SCML2: variants seen among roughly 807,000 people sequenced by gnomAD.
The protein encoded by SCML2 is Scm polycomb group protein like 2, also known as sex comb on midleg-like protein 2.
SCML2 carries 6 observed loss-of-function variants against 48.4 expected under a neutral mutation model. That is an observed-to-expected ratio of 0.12 (90% confidence interval 0.07 to 0.24). The LOEUF (loss-of-function observed/expected upper bound fraction) is 0.24. Ranked by LOEUF, SCML2 falls within the 10% of genes least tolerant of loss-of-function variation. The probability of loss-of-function intolerance (pLI) is 1.00; values close to 1 mark genes in which losing one functional copy is unlikely to be tolerated. For synonymous variants in SCML2, 181 were observed against 189.5 expected (o/e 0.95, Z 0.37); for missense variants, 377 against 528.2 (o/e 0.71, Z 2.81).
intron 7 of SCML2, among the ~76,000 whole-genome samples, chrX:18,303,233 G>A (rs150028409): frequency 3.7e-4 from 41 of 111,349 alleles, no homozygotes; most frequent in African/African-American, 1.2e-3. Flanking sequence ...ACTTAGTCTC[G>A]TGGCCATACC....
intron 1 of SCML2, among the ~76,000 whole-genome samples, chrX:18,352,602 G>A (rs1243439633): frequency 9.0e-6 from 1 of 111,576 alleles, no homozygotes; most frequent in Non-Finnish European, 1.9e-5. Flanking sequence ...AACTATGGGT[G>A]GAAAGCCTTA....
At chrX:18,338,377 C>A (rs1461893188) in intron 1 of SCML2, among the ~76,000 whole-genome samples, 1 of 102,583 alleles carries the variant, frequency 9.7e-6, no homozygotes, top group Non-Finnish European at 2.0e-5. Flanking sequence ...CTGGGAGGCA[C>A]AGGCTTAAGT....
At chrX:18,331,388 C>A (rs1929658305) in intron 2 of SCML2, among the ~76,000 whole-genome samples, 1 of 102,076 alleles carries the variant, frequency 9.8e-6, no homozygotes, top group Non-Finnish European at 2.0e-5. Context: ...CAAAACATAA[C>A]AGAGAAGCTA....
intron 1 of SCML2, among the ~76,000 whole-genome samples, chrX:18,344,643 T>C (rs918407937): frequency 1.8e-5 from 2 of 111,607 alleles, no homozygotes; most frequent in African/African-American, 6.5e-5. Context: ...GAAACGCCTT[T>C]CACCTGGCTC....
At chrX:18,296,185 G>C (rs751414605) in intron 7 of SCML2, among the ~76,000 whole-genome samples, 146 of 110,919 alleles carry the variant, frequency 1.3e-3, no homozygotes, top group African/African-American at 4.3e-3. Context: ...AGATACAAGA[G>C]AACACAGATA....
chrX:18,272,887 A>T (rs1927506600), intron 7 of SCML2, among the ~76,000 whole-genome samples: 1 of 112,076 alleles, frequency 8.9e-6, no homozygotes, highest in Non-Finnish European at 1.9e-5. Flanking sequence ...TTTCCTTTTA[A>T]GACTAAGCTT....
At chrX:18,266,492 G>A (rs1927262215) in intron 7 of SCML2, among the ~76,000 whole-genome samples, 1 of 111,152 alleles carries the variant, frequency 9.0e-6, no homozygotes, top group Non-Finnish European at 1.9e-5. Flanking sequence ...TTACCTGCCA[G>A]GTTACTTTTG....
intron 1 of SCML2, among the ~76,000 whole-genome samples, chrX:18,353,844 A>C (rs1431720344): frequency 8.8e-6 from 1 of 113,194 alleles, no homozygotes; most frequent in Admixed American, 9.3e-5. Flanking sequence ...ATGGGGCGCA[A>C]GCACGATACA....
At chrX:18,320,824 A>G (rs1486743069) in intron 5 of SCML2, among the ~76,000 whole-genome samples, 1 of 111,768 alleles carries the variant, frequency 8.9e-6, no homozygotes, top group African/African-American at 3.3e-5. Flanking sequence ...TTCACTTCAG[A>G]AAGACAGTTT....
rs549888088 is a variant in SCML2 at position 18,309,906 on chromosome X, G to A, written c.487-4691C>T. Among the ~76,000 whole-genome samples, 248 of 110,977 alleles carry A rather than the reference G, an allele frequency of 2.2e-3. 1 individual carries two copies. Among genetic ancestry groups the A allele is most frequent in the Admixed American group, 8.4e-3 (87 of 10,389 alleles). ...CTATCCGTATTACAAACCTGCACAC[G>A]TACCCCATGTACCTAAAATAAAAGT... On this transcript the variant is annotated intron_variant, in intron 6 of 14. Coordinates refer to ENST00000251900, the MANE Select transcript of SCML2 (RefSeq NM_006089.3).
chrX:18,328,102 T>C (rs769531789), intron 3 of SCML2, among the ~76,000 whole-genome samples: 5 of 111,270 alleles, frequency 4.5e-5, no homozygotes, highest in Non-Finnish European at 9.4e-5. Context: ...CATGGTCTCT[T>C]CTTTTTTTAT....
intron 13 of SCML2, among the ~76,000 whole-genome samples, chrX:18,243,581 G>A (rs924022390): frequency 1.5e-4 from 17 of 111,639 alleles, no homozygotes; most frequent in East Asian, 2.8e-4. Flanking sequence ...ATTATTTTCT[G>A]CTAAGCTAGG....
intron 7 of SCML2, among the ~76,000 whole-genome samples, chrX:18,267,786 C>T (rs780918658): frequency 1.1e-4 from 12 of 110,117 alleles, no homozygotes; most frequent in Non-Finnish European, 2.1e-4. Flanking sequence ...GTGGTAGAGA[C>T]GGGGTTTCAC....
intron 6 of SCML2, among the ~76,000 whole-genome samples, chrX:18,315,546 C>A (rs1256118395): frequency 1.8e-5 from 2 of 111,302 alleles, no homozygotes; most frequent in Non-Finnish European, 3.8e-5. Flanking sequence ...TTGTCAGAAT[C>A]AAAATGGAGT....
At chrX:18,338,521 G>T (rs1317003670) in intron 1 of SCML2, among the ~76,000 whole-genome samples, 1 of 108,853 alleles carries the variant, frequency 9.2e-6, no homozygotes, top group Non-Finnish European at 1.9e-5. Flanking sequence ...ATCTAAAATA[G>T]TTGAACTCAC....
chrX:18,291,354 T>C (rs751703129), intron 7 of SCML2, among the ~76,000 whole-genome samples: 1 of 112,117 alleles, frequency 8.9e-6, no homozygotes, highest in Non-Finnish European at 1.9e-5. Flanking sequence ...GAATTTTCTA[T>C]CCAAGTAAGT....
chrX:18,272,925 T>C (rs1927507677), intron 7 of SCML2, among the ~76,000 whole-genome samples: 1 of 112,141 alleles, frequency 8.9e-6, no homozygotes, highest in Non-Finnish European at 1.9e-5. Context: ...TGTTCACTAT[T>C]ATTACGATTT....
intron 7 of SCML2, among the ~76,000 whole-genome samples, chrX:18,269,381 T>A (rs1234271573): frequency 1.8e-5 from 2 of 111,804 alleles, no homozygotes; most frequent in Admixed American, 1.9e-4. Context: ...TCGGAACCTC[T>A]CTTTCCTGCT....
At chrX:18,317,217 C>T (rs897611947) in intron 6 of SCML2, among the ~76,000 whole-genome samples, 1 of 111,804 alleles carries the variant, frequency 8.9e-6, no homozygotes, top group Non-Finnish European at 1.9e-5. Context: ...AACATACATC[C>T]CTTTGAACAA....
Sources: gnomAD v4.1 joint callset for allele counts (sites outside exome capture counted in the v4.1 genomes callset) on GRCh38, gnomAD v4.1.1 for gene constraint, MANE v1.5 for transcripts, NCBI Gene and HGNC (gene_info 2026-07-23, HGNC 2026-07-21) for gene names.